PDE10A: variants seen among roughly 807,000 people sequenced by gnomAD.
The protein encoded by PDE10A is phosphodiesterase 10A.
In PDE10A, 39 loss-of-function variants were observed where a neutral mutation model predicts 97.7. The ratio of observed to expected loss-of-function variants is 0.40; its 90% confidence interval spans 0.31 to 0.52. The LOEUF (loss-of-function observed/expected upper bound fraction) is 0.52, where lower values mean the gene tolerates loss of function less well. Ranked by LOEUF, PDE10A falls within the 20% of genes least tolerant of loss-of-function variation. The pLI is 0.56. For missense variants in PDE10A, 731 were observed against 1,047.8 expected, an observed-to-expected ratio of 0.70 and a Z score of 4.17; for synonymous variants, 371 against 376.8, an observed-to-expected ratio of 0.98 and a Z score of 0.18.
intron 1 of PDE10A, among the ~76,000 whole-genome samples, chr6:165,968,754 A>G (rs1199849004): frequency 6.6e-6 from 1 of 152,234 alleles, no homozygotes; most frequent in Non-Finnish European, 1.5e-5. Flanking sequence ...AAAAGATGTG[A>G]TAAATTTTTA....
chr6:165,617,840 G>A (rs542702802), intron 1 of PDE10A, among the ~76,000 whole-genome samples: 1 of 152,042 alleles, frequency 6.6e-6, no homozygotes, highest in Non-Finnish European at 1.5e-5. Flanking sequence ...TTATTCTAAC[G>A]GCTCTCAGTG....
At chr6:165,774,841 T>C (rs1778128686) in intron 1 of PDE10A, 2 of 149,360 alleles carry the variant, frequency 1.3e-5, no homozygotes, top group Admixed American at 6.7e-5. Context: ...CTTTTTTTTT[T>C]TTTTTTTTTA....
chr6:165,713,633 C>G (rs759957166), intron 1 of PDE10A, among the ~76,000 whole-genome samples: 1 of 152,136 alleles, frequency 6.6e-6, no homozygotes, highest in East Asian at 1.9e-4. Context: ...GAAAGAAGAC[C>G]AGACCTACCG....
chr6:165,825,085 T>G (rs1207634409), intron 1 of PDE10A, among the ~76,000 whole-genome samples: 1 of 146,112 alleles, frequency 6.8e-6, no homozygotes, highest in Admixed American at 6.8e-5. Context: ...GAGGTGGAGG[T>G]TGCAGTGAGC....
chr6:165,463,341 A>C (rs1471627399), intron 3 of PDE10A, among the ~76,000 whole-genome samples: 1 of 152,246 alleles, frequency 6.6e-6, no homozygotes, highest in Non-Finnish European at 1.5e-5. Context: ...AGAATAAAAA[A>C]GCTTCTAGAA....
At chr6:165,464,592 G>T (rs1321479015) in intron 3 of PDE10A, among the ~76,000 whole-genome samples, 2 of 152,052 alleles carry the variant, frequency 1.3e-5, no homozygotes, top group Non-Finnish European at 2.9e-5. Flanking sequence ...ATAAATCCTT[G>T]TAACATACAT....
At chr6:165,602,035 C>T (rs1786981690) in intron 1 of PDE10A, among the ~76,000 whole-genome samples, 1 of 152,158 alleles carries the variant, frequency 6.6e-6, no homozygotes, top group South Asian at 2.1e-4. Context: ...TAAGTTTGTC[C>T]TTGGGTCAGT....
At chr6:165,638,052 TC>T (rs1298936809) in intron 1 of PDE10A, among the ~76,000 whole-genome samples, 7 of 152,268 alleles carry the variant, frequency 4.6e-5, no homozygotes, top group African/African-American at 1.4e-4. Flanking sequence ...CAGTAACATC[TC>T]TTTTTAAATG....
chr6:165,766,073 T>G (rs1202224604), intron 1 of PDE10A, among the ~76,000 whole-genome samples: 1 of 152,196 alleles, frequency 6.6e-6, no homozygotes, highest in Non-Finnish European at 1.5e-5. Context: ...GAAGGCCTCT[T>G]AGTTCCTAAC....
At chr6:165,373,965 T>A (rs1784438040) in intron 18 of PDE10A, among the ~76,000 whole-genome samples, 1 of 150,480 alleles carries the variant, frequency 6.6e-6, no homozygotes, top group African/African-American at 2.5e-5. Flanking sequence ...TCATTCTCAG[T>A]AAACTATCGC....
chr6:165,481,704 G>A (rs1027120556), intron 3 of PDE10A, among the ~76,000 whole-genome samples: 6 of 151,206 alleles, frequency 4.0e-5, no homozygotes, highest in Non-Finnish European at 7.4e-5. Flanking sequence ...AATGCTTTCA[G>A]TACTCACCTG....
At chr6:165,822,725 C>A (rs973467764) in intron 1 of PDE10A, among the ~76,000 whole-genome samples, 1 of 152,140 alleles carries the variant, frequency 6.6e-6, no homozygotes, top group Non-Finnish European at 1.5e-5. Context: ...TCGGACATGG[C>A]GTGCACTACT....
intron 18 of PDE10A, among the ~76,000 whole-genome samples, chr6:165,353,387 T>G (rs1782821419): frequency 6.6e-6 from 1 of 152,184 alleles, no homozygotes; most frequent in Admixed American, 6.5e-5. Context: ...CCTTAATACT[T>G]ACCCAGAGGA....
chr6:165,610,706 G>A (rs1175271472), intron 1 of PDE10A, among the ~76,000 whole-genome samples: 1 of 152,148 alleles, frequency 6.6e-6, no homozygotes, highest in African/African-American at 2.4e-5. Context: ...CAACCTCATG[G>A]ACATCTCTCG....
intron 1 of PDE10A, among the ~76,000 whole-genome samples, chr6:165,611,731 T>G (rs79346525): frequency 2.6e-5 from 4 of 152,244 alleles, no homozygotes; most frequent in African/African-American, 9.6e-5. Flanking sequence ...TTCTGTAAGA[T>G]AGTCTGCCAC....
intron 1 of PDE10A, among the ~76,000 whole-genome samples, chr6:165,723,850 T>TG (rs1442455347): frequency 5.2e-5 from 1 of 19,258 alleles, no homozygotes; most frequent in Non-Finnish European, 1.1e-4. Context: ...GATAAAGGTG[T>TG]TTTTTTTTTT....
intron 1 of PDE10A, among the ~76,000 whole-genome samples, chr6:165,869,687 C>A (rs118138639): frequency 0.015 from 2,231 of 152,222 alleles, 43 homozygotes; most frequent in Non-Finnish European, 0.021. Flanking sequence ...TACTACCTTA[C>A]TTGAAAATAC....
rs779090573 is a variant in PDE10A at position 165,894,567 on chromosome 6, G to C, written c.-615+92962C>G. 105 of 455,930 alleles carry C rather than the reference G, an allele frequency of 2.3e-4. No individual in the cohort carries two copies. In the East Asian group the frequency reaches 4.2e-3, roughly 18 times the overall value. The allele number at this position is 455,930 out of a possible 1,614,324, so 28.2% of individuals were successfully genotyped here. On this transcript the variant is annotated intron_variant, in intron 1 of 19. Transcript: ENST00000366882. ...TCAACGGGGAGCCAAGAGTAGTTCT[G>C]GCTCCTGGAGAAGGACCACAACCCT...
intron 1 of PDE10A, chr6:165,986,337 G>A (rs951410409): frequency 9.8e-5 from 15 of 152,524 alleles, no homozygotes; most frequent in African/African-American, 3.6e-4. Context: ...GAAAGGGGTG[G>A]GGAGAAGAGA....
Sources: gnomAD v4.1 joint callset for allele counts (sites outside exome capture counted in the v4.1 genomes callset) on GRCh38, gnomAD v4.1.1 for gene constraint, MANE v1.5 for transcripts, NCBI Gene and HGNC (gene_info 2026-07-23, HGNC 2026-07-21) for gene names.